OR2H1: variants seen among roughly 807,000 people sequenced by gnomAD.
The protein encoded by OR2H1 is olfactory receptor 2H1.
For missense variants in OR2H1, 380 were observed against 367.3 expected (o/e 1.03, Z -0.28); for synonymous variants, 155 against 155.2 (o/e 1.00, Z 0.01).
chr6:29,457,884 C>T (rs1465562781), intron 1 of OR2H1, among the ~76,000 whole-genome samples: 1 of 152,154 alleles, frequency 6.6e-6, no homozygotes, highest in Non-Finnish European at 1.5e-5. Context: ...CAGTTGCTGG[C>T]ACACTTCCTT....
At position 29,461,825 on chromosome 6, in the gene OR2H1, C is replaced by G. The variant is rs767800752; in HGVS notation, c.56C>G (p.Pro19Arg). The G allele has an allele frequency of 6.2e-7, 1 of 1,613,074 alleles. No individual in the cohort carries two copies. Among genetic ancestry groups the G allele is most frequent in the Non-Finnish European group, 8.5e-7 (1 of 1,180,026 alleles). ...CTCCTTCTGGGCTTCTCTGAACACC[C>G]AGCACTGGAAAGGACTCTCTTTGTG... ...GFLLLGFSEH[P>R]ALERTLFVVV... The change falls in exon 4 of 4, where the codon CCA becomes CGA. Residue 19 changes from proline (P) to arginine (R), a missense_variant. Transcript: ENST00000377133.
rs139938966 is a variant in OR2H1, at chr6:29,463,124, G to A, written c.*404G>A. ...TTCTGGACACCTTGCATGTATCTAC[G>A]TAGGTCATGTAAGCAAAGGCTTGAA... On this transcript the variant is annotated 3_prime_UTR_variant, in exon 4 of 4. Transcript: ENST00000377133. The A allele has an allele frequency of 4.4e-5, 9 of 206,726 alleles. No individual in the cohort carries two copies. Among genetic ancestry groups the A allele is most frequent in the African/African-American group, 9.4e-5 (4 of 42,644 alleles). The allele number at this position is 206,726 out of a possible 1,614,324, so 12.8% of individuals were successfully genotyped here.
intron 2 of OR2H1, among the ~76,000 whole-genome samples, chr6:29,458,842 G>T (rs545054026): frequency 5.3e-5 from 8 of 152,310 alleles, no homozygotes; most frequent in African/African-American, 1.9e-4. Context: ...ACTATAAGTG[G>T]TTATTATTAT....
intron 1 of OR2H1, among the ~76,000 whole-genome samples, chr6:29,458,177 G>T (rs1786695938): frequency 6.6e-6 from 1 of 152,208 alleles, no homozygotes; most frequent in African/African-American, 2.4e-5. Flanking sequence ...GGTGGAATGT[G>T]GTTAGCGCAT....
At position 29,460,372 on chromosome 6, in the gene OR2H1, A is replaced by ATTTTTTTTTTTT. The variant is rs10651941; in HGVS notation, c.-326-16_-326-5dup. On this transcript the variant is annotated intron_variant, in intron 2 of 3. Coordinates refer to ENST00000377133, the MANE Select transcript of OR2H1 (RefSeq NM_030883.5). ...AGACACCCACCACCACACCCCGCTA[A>ATTTTTTTTTTTT]TTTTTTTTTTTTTTTTTTTTTTTTT... 18 of 81,226 alleles carry ATTTTTTTTTTTT rather than the reference A, an allele frequency of 2.2e-4. 1 individual carries two copies. The highest frequency in any genetic ancestry group is 2.2e-3 in the South Asian group (4 of 1,842). 5.0% of individuals were successfully genotyped at this position (81,226 alleles called of 1,614,324 possible). A position where few individuals can be genotyped will look rare whatever the true frequency, so the allele number is the denominator to read the frequency against.
rs772213775 is a variant in OR2H1 at position 29,462,324 on chromosome 6, C to G, written c.555C>G (p.Leu185=). ...GTGAGGTCCCATCTCTGATTCGACT[C>G]TCCTGTGGAGATACCTCCTACAATG... ...FLCEVPSLIR[L]SCGDTSYNEI... Residue 185 remains leucine, a synonymous_variant, in exon 4 of 4, where the codon CTC becomes CTG. Coordinates refer to ENST00000377133, the MANE Select transcript of OR2H1 (RefSeq NM_030883.5). 3.7e-6 allele frequency: 6 copies of G among 1,613,064 alleles called. No homozygotes were observed. In the Admixed American group the frequency reaches 5.0e-5, roughly 13 times the overall value.
In OR2H1 at chr6:29,462,575, G is replaced by T. The variant is rs372457633; in HGVS notation, c.806G>T (p.Gly269Val). Residue 269 changes from glycine (G) to valine (V), a missense_variant, in exon 4 of 4, where the codon GGC becomes GTC. By Grantham distance (109) the Gly-to-Val change is moderately radical. Transcript: ENST00000377133. The part of the protein sequence containing the change: ...QPKNPYAQGR[G>V]KFFGLFYAVG... ...AAAAATCCGTATGCCCAAGGGAGGG[G>T]CAAGTTCTTTGGTCTCTTCTATGCA... The T allele has an allele frequency of 3.7e-6, 6 of 1,613,004 alleles. No individual in the cohort carries two copies. Among genetic ancestry groups the T allele is most frequent in the Non-Finnish European group, 4.2e-6 (5 of 1,180,022 alleles).
chr6:29,460,724 T>C (rs1787157771), intron 3 of OR2H1, among the ~76,000 whole-genome samples: 1 of 151,816 alleles, frequency 6.6e-6, no homozygotes, highest in Non-Finnish European at 1.5e-5. Context: ...TTTACTAATA[T>C]AGATAAAGAA....
rs540814917 is a variant in OR2H1, at chr6:29,462,671, G to C, written c.902G>C (p.Arg301Thr). Reference sequence around the variant, plus strand: ...AAGGAGATAAAGCGAGCACTCAGGAGGTTACTAGGGAAGGAAAGAGACTCC... The same window carrying C: ...AAGGAGATAAAGCGAGCACTCAGGACGTTACTAGGGAAGGAAAGAGACTCC... ...RNKEIKRALR[R>T]LLGKERDSRE... Residue 301 changes from arginine (R) to threonine (T), a missense_variant, in exon 4 of 4, where the codon AGG (arginine) becomes ACG (threonine). Coordinates refer to ENST00000377133, the MANE Select transcript of OR2H1 (RefSeq NM_030883.5). 1.2e-6 allele frequency: 2 copies of C among 1,613,028 alleles called. No individual in the cohort carries two copies. The highest frequency in any genetic ancestry group is 2.2e-5 in the South Asian group (2 of 91,070).
rs571972794 is a variant in OR2H1, at chr6:29,463,474, G to A, written c.*754G>A. On this transcript the variant is annotated 3_prime_UTR_variant, in exon 4 of 4. Coordinates refer to ENST00000377133, the MANE Select transcript of OR2H1 (RefSeq NM_030883.5). ...TCCGTGTCATCCTTTTTGGTGTGTAGGACAAGGAGCCAGGGAATTGGCACG... is the reference window on the plus strand; with the variant it reads ...TCCGTGTCATCCTTTTTGGTGTGTAAGACAAGGAGCCAGGGAATTGGCACG... The A allele has an allele frequency of 6.0e-6, 1 of 166,958 alleles. No individual in the cohort carries two copies. The highest frequency in any genetic ancestry group is 1.5e-5 in the Non-Finnish European group (1 of 68,120). The allele number at this position is 166,958 out of a possible 1,614,324, so 10.3% of individuals were successfully genotyped here.
Position 29,462,008 on chromosome 6 carries a change from T to C in OR2H1, c.239T>C (p.Leu80Pro), listed in dbSNP as rs139316475. 1.8e-3 allele frequency: 2,824 copies of C among 1,613,360 alleles called. 39 individuals carry two copies. In the African/African-American group the frequency reaches 0.028, roughly 16 times the overall value. Residue 80 changes from leucine (L) to proline (P), a missense_variant, in exon 4 of 4, where the codon CTG becomes CCG. Coordinates refer to ENST00000377133, the MANE Select transcript of OR2H1 (RefSeq NM_030883.5). ...CFTTSCVPQM[L>P]VNLWGPKKTI... ...ACCACAAGTTGTGTCCCCCAGATGCTGGTCAACCTCTGGGGCCCAAAGAAG... is the reference window on the plus strand; with the variant it reads ...ACCACAAGTTGTGTCCCCCAGATGCCGGTCAACCTCTGGGGCCCAAAGAAG...
rs1296685295 is a variant in OR2H1 at position 29,461,662 on chromosome 6, C to T, written c.-108C>T. On this transcript the variant is annotated 5_prime_UTR_variant, in exon 4 of 4. Coordinates refer to ENST00000377133, the MANE Select transcript of OR2H1 (RefSeq NM_030883.5). ...TGGGTGAGCAGAGACAGAAAAGAAA[C>T]ACCTACCTGCTGTGACCTCACAAAC... is the stretch of plus-strand genomic sequence containing the variant. The T allele has an allele frequency of 2.3e-5, 19 of 814,630 alleles. No individual in the cohort carries two copies. The highest frequency in any genetic ancestry group is 5.1e-5 in the African/African-American group (3 of 58,444). The allele number at this position is 814,630 out of a possible 1,614,324, so 50.5% of individuals were successfully genotyped here. A position where few individuals can be genotyped will look rare whatever the true frequency, so the allele number is the denominator to read the frequency against.
rs187462550 is a variant in OR2H1, at chr6:29,461,194, T to A, written c.-275-301T>A. Reference sequence around the variant, plus strand: ...AGTTAATACACACAGCGGAGAAATCTCTTTGTTAATTCTACACTCTGCCTC... The same window carrying A: ...AGTTAATACACACAGCGGAGAAATCACTTTGTTAATTCTACACTCTGCCTC... On this transcript the variant is annotated intron_variant, in intron 3 of 3. Transcript: ENST00000377133. 1,005 of 152,552 alleles carry A rather than the reference T, an allele frequency of 6.6e-3. 9 individuals carry two copies. Among genetic ancestry groups the A allele is most frequent in the Middle Eastern group, 0.01 (3 of 294 alleles). 9.4% of individuals were successfully genotyped at this position (152,552 alleles called of 1,614,324 possible). A position where few individuals can be genotyped will look rare whatever the true frequency, so the allele number is the denominator to read the frequency against.
In OR2H1 at chr6:29,462,441, G is replaced by A. The variant is rs374994892; in HGVS notation, c.672G>A (p.Leu224=). 1.9e-6 allele frequency: 3 copies of A among 1,613,016 alleles called. No individual in the cohort carries two copies. In the African/African-American group the frequency reaches 4.0e-5, roughly 22 times the overall value. The change falls in exon 4 of 4, where the codon CTG becomes CTA. Residue 224 remains leucine, a synonymous_variant. Coordinates refer to ENST00000377133, the MANE Select transcript of OR2H1 (RefSeq NM_030883.5). ...ASYGATAQAV[L]RINSATAWRK... ...ATGGAGCCACTGCCCAGGCAGTGCT[G>A]AGGATTAACTCTGCCACAGCATGGA...
chr6:29,462,677 T>G lies in OR2H1; in HGVS notation c.908T>G (p.Leu303Arg), dbSNP rs199700275. The change falls in exon 4 of 4, where the codon CTA becomes CGA. Residue 303 changes from leucine to arginine, a missense_variant. Coordinates refer to ENST00000377133, the MANE Select transcript of OR2H1 (RefSeq NM_030883.5). Reference sequence around the variant, plus strand: ...ATAAAGCGAGCACTCAGGAGGTTACTAGGGAAGGAAAGAGACTCCAGGGAA... The same window carrying G: ...ATAAAGCGAGCACTCAGGAGGTTACGAGGGAAGGAAAGAGACTCCAGGGAA... ...KEIKRALRRL[L>R]GKERDSRESW... 5.3e-4 allele frequency: 856 copies of G among 1,612,968 alleles called. No homozygotes were observed. The highest frequency in any genetic ancestry group is 6.8e-4 in the Non-Finnish European group (801 of 1,179,968).
rs142601796 is a variant in OR2H1 at position 29,462,611 on chromosome 6, C to T, written c.842C>T (p.Pro281Leu). 6.2e-7 allele frequency: 1 copy of T among 1,613,034 alleles called. No individual in the cohort carries two copies. The highest frequency in any genetic ancestry group is 1.3e-5 in the African/African-American group (1 of 75,042). The change falls in exon 4 of 4, where the codon CCT (proline) becomes CTT (leucine). Residue 281 changes from proline (P) to leucine (L), a missense_variant. Pro to Leu is a moderately conservative substitution (Grantham distance 98). Coordinates refer to ENST00000377133, the MANE Select transcript of OR2H1 (RefSeq NM_030883.5). The part of the protein sequence containing the change: ...FFGLFYAVGT[P>L]SLNPLVYTLR... ...GGTCTCTTCTATGCAGTGGGCACTC[C>T]TTCACTTAACCCTCTCGTATACACC...
chr6:29,459,746 T>A (rs2151424349), intron 2 of OR2H1: 1 of 152,392 alleles, frequency 6.6e-6, no homozygotes, highest in East Asian at 1.9e-4. Flanking sequence ...TGGTGCCGCA[T>A]CCCACCCCCA....
chr6:29,461,593 C>A lies in OR2H1; in HGVS notation c.-177C>A. 1 of 589,326 alleles carries A rather than the reference C, an allele frequency of 1.7e-6. No homozygotes were observed. The highest frequency in any genetic ancestry group is 3.0e-6 in the Non-Finnish European group (1 of 329,482). 36.5% of individuals were successfully genotyped at this position (589,326 alleles called of 1,614,324 possible). A position where few individuals can be genotyped will look rare whatever the true frequency, so the allele number is the denominator to read the frequency against. The stretch of plus-strand genomic sequence containing the variant: ...ACGTTTGATCAGAAGGAACAGGGAA[C>A]GAGAAGGAGCTGCTGGATGACGATA... On this transcript the variant is annotated 5_prime_UTR_variant, in exon 4 of 4. Coordinates refer to ENST00000377133, the MANE Select transcript of OR2H1 (RefSeq NM_030883.5).
In OR2H1 at chr6:29,462,628, G is replaced by C. The variant is rs759165826; in HGVS notation, c.859G>C (p.Val287Leu). 1 of 1,613,034 alleles carries C rather than the reference G, an allele frequency of 6.2e-7. No individual in the cohort carries two copies. The highest frequency in any genetic ancestry group is 8.5e-7 in the Non-Finnish European group (1 of 1,180,020). The change falls in exon 4 of 4, where the codon GTA becomes CTA. Residue 287 changes from valine to leucine, a missense_variant. Val to Leu is a conservative substitution (Grantham distance 32). Transcript: ENST00000377133. ...GGGCACTCCTTCACTTAACCCTCTCGTATACACCCTGAGGAACAAGGAGAT... is the reference window on the plus strand; with the variant it reads ...GGGCACTCCTTCACTTAACCCTCTCCTATACACCCTGAGGAACAAGGAGAT... ...AVGTPSLNPL[V>L]YTLRNKEIKR... is the part of the protein sequence containing the mutation.
Sources: allele counts gnomAD v4.1 joint callset (sites outside exome capture counted in the v4.1 genomes callset), GRCh38; gene constraint gnomAD v4.1.1; transcripts MANE v1.5; gene names NCBI Gene and HGNC (gene_info 2026-07-23, HGNC 2026-07-21).